Variants in CAB39 observed in about 807,000 individuals in gnomAD.
The protein encoded by CAB39 is calcium binding protein 39, also known as calcium-binding protein 39.
CAB39 carries 8 observed loss-of-function variants against 40.0 expected under a neutral mutation model. That is an observed-to-expected ratio of 0.20 (90% CI 0.12 to 0.36). The LOEUF (loss-of-function observed/expected upper bound fraction) is 0.36. CAB39 is among the 10% of genes least tolerant of loss of function. The probability of loss-of-function intolerance (pLI) is 1.00; values close to 1 mark genes in which losing one functional copy is unlikely to be tolerated. For synonymous variants in CAB39, 156 were observed against 141.6 expected (o/e 1.10, Z -0.72); for missense variants, 270 against 401.1 (o/e 0.67, Z 2.79).
At chr2:230,795,965 A>T (rs1695979434) in intron 4 of CAB39, among the ~76,000 whole-genome samples, 1 of 152,150 alleles carries the variant, frequency 6.6e-6, no homozygotes, top group Admixed American at 6.5e-5. Flanking sequence ...GATATGTCTC[A>T]ATCCATTCCA....
At chr2:230,794,317 T>C (rs1695942868) in intron 4 of CAB39, among the ~76,000 whole-genome samples, 1 of 152,180 alleles carries the variant, frequency 6.6e-6, no homozygotes. Context: ...CTTCAGATTT[T>C]GGGATACAGA....
At chr2:230,723,315 CT>C (rs993290686) in intron 1 of CAB39, among the ~76,000 whole-genome samples, 41 of 146,838 alleles carry the variant, frequency 2.8e-4, no homozygotes, top group African/African-American at 5.2e-4. Context: ...TTCCCATTAT[CT>C]TTTTTTTTTT....
At chr2:230,731,911 C>T (rs1030892103) in intron 1 of CAB39, among the ~76,000 whole-genome samples, 81 of 152,128 alleles carry the variant, frequency 5.3e-4, no homozygotes, top group Non-Finnish European at 1.2e-4. Flanking sequence ...TTTCGAACTT[C>T]GTGTTGTTAA....
intron 1 of CAB39, among the ~76,000 whole-genome samples, chr2:230,732,564 G>A (rs1329840184): frequency 6.6e-6 from 1 of 152,208 alleles, no homozygotes; most frequent in Non-Finnish European, 1.5e-5. Flanking sequence ...GATGGCCCTT[G>A]CTGTCTAGGG....
chr2:230,801,729 T>C (rs1038098258), intron 5 of CAB39, among the ~76,000 whole-genome samples: 21 of 151,874 alleles, frequency 1.4e-4, no homozygotes, highest in Non-Finnish European at 2.5e-4. Flanking sequence ...AAAAATTAGT[T>C]GTGGTGACAT....
chr2:230,768,631 C>T (rs1350623747), intron 2 of CAB39, among the ~76,000 whole-genome samples: 1 of 152,122 alleles, frequency 6.6e-6, no homozygotes, highest in Non-Finnish European at 1.5e-5. Flanking sequence ...GAGAATAGCA[C>T]ATTCTATGGG....
intron 6 of CAB39, among the ~76,000 whole-genome samples, chr2:230,813,670 C>G (rs1278797862): frequency 1.3e-5 from 2 of 152,078 alleles, no homozygotes; most frequent in East Asian, 3.9e-4. Context: ...AATCTAACAT[C>G]AAGATATGAG....
rs1196852447 is a variant in CAB39 at position 230,748,841 on chromosome 2, T to A, written c.-43-11118T>A. Among the ~76,000 whole-genome samples the A allele has an allele frequency of 2.6e-3, 189 of 73,984 alleles. 3 individuals carry two copies. The highest frequency in any genetic ancestry group is 0.012 in the African/African-American group (144 of 12,270). 48.5% of individuals were successfully genotyped at this position (73,984 alleles called of 152,430 possible). ...AAAAAAAAAAAAAAAAATATATATA[T>A]ATATATATATATATATATATATATA... On this transcript the variant is annotated intron_variant, in intron 1 of 8. Transcript: ENST00000258418.
chr2:230,818,213 C>G (rs1287136686), intron 8 of CAB39: 1 of 449,974 alleles, frequency 2.2e-6, no homozygotes, highest in Non-Finnish European at 3.9e-6. Flanking sequence ...TCCCATCTGA[C>G]CTCTTGTGCT....
rs1331824501 is a variant in CAB39, at chr2:230,758,049, A to G, written c.-43-1910A>G. 5.9e-5 allele frequency among the ~76,000 whole-genome samples: 9 copies of G among 152,154 alleles called. No homozygotes were observed. In the East Asian group the frequency reaches 1.7e-3, roughly 29 times the overall value. ...CATGATGGCTCACACCTGTAATCCCAGCACTTTGGGAGGCCGAGGTGGGTG... is the reference window on the plus strand; with the variant it reads ...CATGATGGCTCACACCTGTAATCCCGGCACTTTGGGAGGCCGAGGTGGGTG... On this transcript the variant is annotated intron_variant, in intron 1 of 8. Coordinates refer to ENST00000258418, the MANE Select transcript of CAB39 (RefSeq NM_016289.4).
At chr2:230,760,869 A>C (rs959239631) in intron 2 of CAB39, among the ~76,000 whole-genome samples, 1 of 152,182 alleles carries the variant, frequency 6.6e-6, no homozygotes, top group African/African-American at 2.4e-5. Flanking sequence ...GAAGTTGTTC[A>C]TACTCTTTGT....
rs2124836864 is a variant in CAB39 at position 230,713,024 on chromosome 2, G to A, written c.-250G>A. 1 of 150,812 alleles carries A rather than the reference G, an allele frequency of 6.6e-6. No individual in the cohort carries two copies. The highest frequency in any genetic ancestry group is 2.0e-4 in the South Asian group (1 of 4,914). 9.3% of individuals were successfully genotyped at this position (150,812 alleles called of 1,614,324 possible). A position where few individuals can be genotyped will look rare whatever the true frequency, so the allele number is the denominator to read the frequency against. On this transcript the variant is annotated 5_prime_UTR_variant, in exon 1 of 9. Coordinates refer to ENST00000258418, the MANE Select transcript of CAB39 (RefSeq NM_016289.4). Reference sequence around the variant, plus strand: ...CGAGCGCAGCAGCGCGGCGGCAGCCGCGGGAGCCCCTGGGCAGCCGTCCGC... The same window carrying A: ...CGAGCGCAGCAGCGCGGCGGCAGCCACGGGAGCCCCTGGGCAGCCGTCCGC...
intron 1 of CAB39, among the ~76,000 whole-genome samples, chr2:230,720,328 T>C (rs1438020795): frequency 2.0e-5 from 3 of 152,222 alleles, no homozygotes; most frequent in African/African-American, 7.2e-5. Context: ...ATCACAGGGT[T>C]CTTTGCAGCT....
intron 1 of CAB39, among the ~76,000 whole-genome samples, chr2:230,715,866 A>T (rs1424844614): frequency 6.6e-6 from 1 of 152,080 alleles, no homozygotes; most frequent in Non-Finnish European, 1.5e-5. Context: ...ACATCCGGCT[A>T]ATTTTTGTAT....
intron 5 of CAB39, among the ~76,000 whole-genome samples, chr2:230,802,172 A>G (rs1696101876): frequency 6.6e-6 from 1 of 152,240 alleles, no homozygotes; most frequent in Non-Finnish European, 1.5e-5. Flanking sequence ...TACTGGGTAA[A>G]TAACGAAATG....
chr2:230,735,098 A>T (rs1266266475), intron 1 of CAB39, among the ~76,000 whole-genome samples: 5 of 152,030 alleles, frequency 3.3e-5, no homozygotes, highest in Admixed American at 6.6e-5. Flanking sequence ...TGTTTTCCTT[A>T]ATTTCCTTAG....
intron 8 of CAB39, 186 bp downstream of exon 8, chr2:230,818,083 G>T: frequency 5.2e-6 from 3 of 572,974 alleles, no homozygotes; most frequent in Non-Finnish European, 9.1e-6. Context: ...GTTACTGTTT[G>T]GATCTGGGAA....
intron 6 of CAB39, among the ~76,000 whole-genome samples, chr2:230,811,414 T>A (rs1356121518): frequency 1.3e-5 from 2 of 152,202 alleles, no homozygotes; most frequent in Non-Finnish European, 2.9e-5. Flanking sequence ...TAAAAATTGC[T>A]GGTCCTTTAT....
At chr2:230,748,831 A>AAT (rs71052546) in intron 1 of CAB39, among the ~76,000 whole-genome samples, 1,468 of 28,384 alleles carry the variant, frequency 0.052, 71 homozygotes, top group East Asian at 0.077. Flanking sequence ...AAAAAAAAAA[A>AAT]ATATATATAT....
Sources: gnomAD v4.1 joint callset for allele counts (sites outside exome capture counted in the v4.1 genomes callset) on GRCh38, gnomAD v4.1.1 for gene constraint, MANE v1.5 for transcripts, NCBI Gene and HGNC (gene_info 2026-07-23, HGNC 2026-07-21) for gene names.